Variants in TRIM9 observed in about 807,000 individuals in gnomAD.
The protein encoded by TRIM9 is tripartite motif containing 9, also known as E3 ubiquitin-protein ligase TRIM9.
A neutral mutation model predicts 78.3 loss-of-function variants in TRIM9; 26 were observed. The ratio of observed to expected loss-of-function variants is 0.33; its 90% CI spans 0.24 to 0.46. The LOEUF (loss-of-function observed/expected upper bound fraction) is 0.46. TRIM9 is among the 20% of genes least tolerant of loss of function. The pLI is 1.00. For missense variants in TRIM9, 787 were observed against 1,036.4 expected (o/e 0.76, Z 3.30); for synonymous variants, 398 against 416.5 (o/e 0.96, Z 0.54).
At chr14:51,060,549 C>T (rs1318154284) in intron 1 of TRIM9, among the ~76,000 whole-genome samples, 4 of 152,180 alleles carry the variant, frequency 2.6e-5, no homozygotes, top group African/African-American at 9.7e-5. Context: ...TGACTGCAAG[C>T]TCCACTTCCA....
At chr14:51,039,384 T>C (rs74845706) in intron 1 of TRIM9, among the ~76,000 whole-genome samples, 2,766 of 152,304 alleles carry the variant, frequency 0.018, 65 homozygotes, top group African/African-American at 0.054. Context: ...TGGAAACAGC[T>C]CAGATGTCTA....
At chr14:51,079,149 A>G (rs74054041) in intron 1 of TRIM9, among the ~76,000 whole-genome samples, 4,533 of 151,850 alleles carry the variant, frequency 0.03, 162 homozygotes, top group African/African-American at 0.086. Flanking sequence ...CCTTCATAAT[A>G]TGCAAATTAA....
chr14:50,982,086 C>G lies in TRIM9; in HGVS notation c.1876G>C (p.Asp626His), dbSNP rs769026924. The G allele has an allele frequency of 6.2e-7, 1 of 1,613,800 alleles. No individual in the cohort carries two copies. The highest frequency in any genetic ancestry group is 8.5e-7 in the Non-Finnish European group (1 of 1,179,830). Residue 626 changes from aspartate to histidine, a missense_variant, in exon 11 of 13, where the codon GAC becomes CAC. Asp to His is a moderately conservative substitution (Grantham distance 81). Coordinates refer to ENST00000684578, the MANE Select transcript of TRIM9 (RefSeq NM_001387360.1). ...ATGTCCGAGTGCGCCGAGCCAGGGT[C>G]GAAAGCAAACCAGGCCACTGGGAAC... ...KLLAVAWFAF[D>H]PGSAHSDIIL...
chr14:51,023,062 G>A, intron 2 of TRIM9, 105 bp from the exon 3 acceptor site: 9 of 1,433,010 alleles, frequency 6.3e-6, no homozygotes, highest in Non-Finnish European at 8.6e-6. Flanking sequence ...AAGGAACTCT[G>A]TCCACAATGC....
Position 50,982,050 on chromosome 14 carries a change from T to G in TRIM9, c.1912A>C (p.Asn638His). The G allele has an allele frequency of 6.2e-7, 1 of 1,614,012 alleles. No individual in the cohort carries two copies. The highest frequency in any genetic ancestry group is 8.5e-7 in the Non-Finnish European group (1 of 1,179,978). ...GSAHSDIILS[N>H]DNLTVTCSSY... ...CTACAGGTCACTGTCAGGTTGTCATTGGAGAGGATGATGTCCGAGTGCGCC... is the reference window on the plus strand; with the variant it reads ...CTACAGGTCACTGTCAGGTTGTCATGGGAGAGGATGATGTCCGAGTGCGCC... The change falls in exon 11 of 13, where the codon AAT (asparagine) becomes CAT (histidine). Residue 638 changes from asparagine (N) to histidine (H), a missense_variant. By Grantham distance (68) the Asn-to-His change is moderately conservative. This residue lies in a region of TRIM9 where 421 missense variants were observed against 514.3 expected (regional missense o/e 0.82). Transcript: ENST00000684578.
At chr14:51,071,826 T>C (rs1373445316) in intron 1 of TRIM9, among the ~76,000 whole-genome samples, 2 of 152,032 alleles carry the variant, frequency 1.3e-5, no homozygotes, top group African/African-American at 4.8e-5. Flanking sequence ...AAATGAATAA[T>C]TTTTAAAAAA....
intron 12 of TRIM9, chr14:50,978,895 C>A: frequency 1.0e-6 from 1 of 994,720 alleles, no homozygotes; most frequent in Middle Eastern, 5.0e-4. Flanking sequence ...TAATAATTGA[C>A]TAAGTTGTAG....
chr14:51,081,438 A>G (rs1348140501), intron 1 of TRIM9, among the ~76,000 whole-genome samples: 2 of 152,230 alleles, frequency 1.3e-5, no homozygotes, highest in Non-Finnish European at 2.9e-5. Context: ...ACAGCTGGAC[A>G]GTTCCTCAAA....
chr14:51,049,988 A>G (rs1160303964), intron 1 of TRIM9, among the ~76,000 whole-genome samples: 1 of 152,136 alleles, frequency 6.6e-6, no homozygotes, highest in Non-Finnish European at 1.5e-5. Context: ...GTGACAAGCT[A>G]AATCACATAG....
At chr14:51,084,960 A>G (rs1242562784) in intron 1 of TRIM9, among the ~76,000 whole-genome samples, 1 of 152,228 alleles carries the variant, frequency 6.6e-6, no homozygotes, top group Non-Finnish European at 1.5e-5. Context: ...AGCCTGTTAT[A>G]AAGACCTGCT....
intron 1 of TRIM9, among the ~76,000 whole-genome samples, chr14:51,037,591 A>G (rs987444316): frequency 6.6e-6 from 1 of 152,070 alleles, no homozygotes; most frequent in Admixed American, 6.5e-5. Context: ...TCAACATCCA[A>G]TAATTTCAGG....
chr14:51,025,326 T>C lies in TRIM9; in HGVS notation c.857A>G (p.Asp286Gly), dbSNP rs768051281. The change falls in exon 2 of 13, where the codon GAC (aspartate) becomes GGC (glycine). Residue 286 changes from aspartate (D) to glycine (G), a missense_variant. By Grantham distance (94) the Asp-to-Gly change is moderately conservative. Transcript: ENST00000684578. The part of the protein sequence containing the change: ...QLSQALNGLS[D>G]RAKEAKEFLV... ...AAACTCCTTGGCTTCTTTGGCCCTGTCTGACAGTCCGTTCAGCGCCTGGGA... is the reference window on the plus strand; with the variant it reads ...AAACTCCTTGGCTTCTTTGGCCCTGCCTGACAGTCCGTTCAGCGCCTGGGA... 11 of 1,614,092 alleles carry C rather than the reference T, an allele frequency of 6.8e-6. No homozygotes were observed. Among genetic ancestry groups the C allele is most frequent in the Non-Finnish European group, 8.5e-6 (10 of 1,180,038 alleles).
chr14:51,055,435 G>T (rs1008054186), intron 1 of TRIM9, among the ~76,000 whole-genome samples: 1 of 152,190 alleles, frequency 6.6e-6, no homozygotes, highest in Non-Finnish European at 1.5e-5. Flanking sequence ...GAGAATTAAG[G>T]TTGCAAGTGG....
chr14:50,985,123 T>C (rs1196108883), intron 8 of TRIM9, among the ~76,000 whole-genome samples: 1 of 152,144 alleles, frequency 6.6e-6, no homozygotes, highest in African/African-American at 2.4e-5. Flanking sequence ...ATCAAATAGG[T>C]CTGCATCTTA....
rs2052121391 is a variant in TRIM9, at chr14:50,982,687, G to C, written c.1858+255C>G. On this transcript the variant is annotated intron_variant, in intron 10 of 12. Transcript: ENST00000684578. ...TTGCATGTAGGACAGGTTGCTGTCT[G>C]CATAACTTAAAAAACACAGTTTGCG... is the stretch of plus-strand genomic sequence containing the variant. 7 of 489,292 alleles carry C rather than the reference G, an allele frequency of 1.4e-5. No homozygotes were observed. The Admixed American group carries it at 2.1e-4, about 14-fold the overall frequency. The allele number at this position is 489,292 out of a possible 1,614,324, so 30.3% of individuals were successfully genotyped here. A position where few individuals can be genotyped will look rare whatever the true frequency, so the allele number is the denominator to read the frequency against.
Position 51,094,784 on chromosome 14 carries a change from G to T in TRIM9, c.156C>A (p.Ala52=). 3 of 1,529,828 alleles carry T rather than the reference G, an allele frequency of 2.0e-6. No individual in the cohort carries two copies. Among genetic ancestry groups the T allele is most frequent in the Non-Finnish European group, 2.6e-6 (3 of 1,141,724 alleles). 94.8% of individuals were successfully genotyped at this position (1,529,828 alleles called of 1,614,324 possible). The stretch of plus-strand genomic sequence containing the variant: ...CATAGTCGGAGACCCCGGAGCCCGC[G>T]GCCCGATGGCTCTGGGGGGATTCAG... ...PESESPQSHR[A]AGSGVSDYDY... Residue 52 remains alanine, a synonymous_variant, in exon 1 of 13, where the codon GCC becomes GCA. Coordinates refer to ENST00000684578, the MANE Select transcript of TRIM9 (RefSeq NM_001387360.1).
intron 1 of TRIM9, among the ~76,000 whole-genome samples, chr14:51,046,037 C>T (rs902848749): frequency 4.6e-5 from 7 of 151,766 alleles, no homozygotes; most frequent in African/African-American, 7.3e-5. Flanking sequence ...ATATAATGTT[C>T]GTTGGAAAAA....
chr14:51,094,278 A>G lies in TRIM9; in HGVS notation c.662T>C (p.Leu221Pro). The change falls in exon 1 of 13, where the codon CTG becomes CCG. Residue 221 changes from leucine (L) to proline (P), a missense_variant. Physicochemically the swap from Leu to Pro is moderately conservative, Grantham distance 98. Coordinates refer to ENST00000684578, the MANE Select transcript of TRIM9 (RefSeq NM_001387360.1). ...PPAQGRVSRR[L>P]SPRKVSTCTD... is the part of the protein sequence containing the mutation. ...GCAGGTGGAGACCTTGCGTGGGCTC[A>G]GCCTCCGGCTCACACGACCCTGGGC... 6.2e-7 allele frequency: 1 copy of G among 1,614,100 alleles called. No individual in the cohort carries two copies. The highest frequency in any genetic ancestry group is 8.5e-7 in the Non-Finnish European group (1 of 1,180,000).
intron 7 of TRIM9, among the ~76,000 whole-genome samples, chr14:50,994,380 C>T (rs1009799002): frequency 2.0e-5 from 3 of 152,172 alleles, no homozygotes; most frequent in Non-Finnish European, 2.9e-5. Flanking sequence ...GCACTGCAGC[C>T]TGGGTGACAG....
Sources: gnomAD v4.1 joint callset for allele counts (sites outside exome capture counted in the v4.1 genomes callset) on GRCh38, gnomAD v4.1.1 for gene constraint, gnomAD v4.1.1 regional missense constraint, MANE v1.5 for transcripts, NCBI Gene and HGNC (gene_info 2026-07-23, HGNC 2026-07-21) for gene names.